The following TOX3 variants were observed in gnomAD, a reference collection of about 807,000 sequenced individuals.
The protein encoded by TOX3 is TOX high mobility group box family member 3, also known as CAG trinucleotide repeat-containing gene F9 protein.
In TOX3, 22 loss-of-function variants were observed where a neutral mutation model predicts 64.3. The observed-to-expected ratio is 0.34, with a 90% CI of 0.24 to 0.49. The LOEUF is 0.49. TOX3 is among the 20% of genes least tolerant of loss of function. The pLI is 0.99. For missense variants in TOX3, 661 were observed against 714.4 expected (o/e 0.93, Z 0.85); for synonymous variants, 291 against 273.6 (o/e 1.06, Z -0.63).
chr16:52,478,653 C>T (rs1281592147), intron 1 of TOX3, among the ~76,000 whole-genome samples: 2 of 152,146 alleles, frequency 1.3e-5, no homozygotes, highest in Non-Finnish European at 2.9e-5. Flanking sequence ...CTGTTGAATG[C>T]ATAAGTGAAT....
At chr16:52,524,452 C>G (rs1962679144) in intron 1 of TOX3, among the ~76,000 whole-genome samples, 1 of 152,154 alleles carries the variant, frequency 6.6e-6, no homozygotes, top group Non-Finnish European at 1.5e-5. Flanking sequence ...ATGTATGGAG[C>G]AGTAAATGCA....
chr16:52,508,957 A>T (rs879622594), intron 1 of TOX3, among the ~76,000 whole-genome samples: 43 of 152,230 alleles, frequency 2.8e-4, no homozygotes, highest in Admixed American at 9.2e-4. Context: ...GATGATTGTT[A>T]TTCATAAAGT....
At chr16:52,499,555 C>A (rs961807255) in intron 1 of TOX3, among the ~76,000 whole-genome samples, 3 of 152,168 alleles carry the variant, frequency 2.0e-5, no homozygotes, top group Admixed American at 1.3e-4. Flanking sequence ...TACGAATCCA[C>A]AAGAAACAAA....
At chr16:52,495,404 C>T (rs1961818476) in intron 1 of TOX3, among the ~76,000 whole-genome samples, 1 of 152,146 alleles carries the variant, frequency 6.6e-6, no homozygotes, top group Non-Finnish European at 1.5e-5. Context: ...ACTAAAGCTA[C>T]CACTCTGGAC....
chr16:52,516,692 T>G (rs1301739237), intron 1 of TOX3, among the ~76,000 whole-genome samples: 2 of 152,194 alleles, frequency 1.3e-5, no homozygotes, highest in African/African-American at 2.4e-5. Flanking sequence ...TTAACTTAGT[T>G]GATATAAATG....
intron 1 of TOX3, among the ~76,000 whole-genome samples, chr16:52,481,866 A>C (rs2151449529): frequency 6.6e-6 from 1 of 152,286 alleles, no homozygotes; most frequent in African/African-American, 2.4e-5. Flanking sequence ...GTATTTTACC[A>C]GTTGTGTTTA....
At chr16:52,478,520 A>G (rs1486068710) in intron 1 of TOX3, among the ~76,000 whole-genome samples, 1 of 152,166 alleles carries the variant, frequency 6.6e-6, no homozygotes, top group Non-Finnish European at 1.5e-5. Context: ...TCACTGACTA[A>G]TGTACTGGAT....
chr16:52,516,206 A>T (rs1019000365), intron 1 of TOX3, among the ~76,000 whole-genome samples: 2 of 152,222 alleles, frequency 1.3e-5, no homozygotes, highest in African/African-American at 4.8e-5. Context: ...TTAAGACATT[A>T]GATTTTAAAA....
rs11287146 is a variant in TOX3, at chr16:52,496,913, T to TA, written c.88-28340dup. ...ATTTATACCTATGTTATTTATTTGTTAAAAAAAAAAAGCAAGTGTTTAAAA... is the reference window on the plus strand; with the variant it reads ...ATTTATACCTATGTTATTTATTTGTTAAAAAAAAAAAAGCAAGTGTTTAAAA... On this transcript the variant is annotated intron_variant, in intron 1 of 6. Coordinates refer to ENST00000219746, the MANE Select transcript of TOX3 (RefSeq NM_001080430.4). Among the ~76,000 whole-genome samples the TA allele has an allele frequency of 1.9e-3, 290 of 148,814 alleles. 1 individual carries two copies. Among genetic ancestry groups the TA allele is most frequent in the Middle Eastern group, 3.4e-3 (1 of 292 alleles).
At chr16:52,527,853 C>T (rs1020262649) in intron 1 of TOX3, among the ~76,000 whole-genome samples, 1 of 152,134 alleles carries the variant, frequency 6.6e-6, no homozygotes, top group Non-Finnish European at 1.5e-5. Context: ...TCTTCTAGCT[C>T]AGTGGCTCTG....
At chr16:52,466,996 T>G in intron 2 of TOX3, among the ~76,000 whole-genome samples, 1 of 152,186 alleles carries the variant, frequency 6.6e-6, no homozygotes, top group East Asian at 1.9e-4. Flanking sequence ...CATTTAGAGT[T>G]TACGTGATTA....
chr16:52,488,694 T>C (rs1961594432), intron 1 of TOX3, among the ~76,000 whole-genome samples: 1 of 152,162 alleles, frequency 6.6e-6, no homozygotes, highest in Non-Finnish European at 1.5e-5. Flanking sequence ...ACCAAAAAAA[T>C]TGTCCTCAAA....
chr16:52,507,917 G>T (rs1056120068), intron 1 of TOX3, among the ~76,000 whole-genome samples: 7 of 152,116 alleles, frequency 4.6e-5, no homozygotes, highest in African/African-American at 1.4e-4. Flanking sequence ...AAGGAGTGAA[G>T]GTAAATCAGA....
At chr16:52,478,036 G>A (rs1002785845) in intron 1 of TOX3, among the ~76,000 whole-genome samples, 5 of 152,140 alleles carry the variant, frequency 3.3e-5, no homozygotes, top group Admixed American at 2.0e-4. Context: ...CTAATGGCCA[G>A]GTGACATTTC....
In TOX3 at chr16:52,439,868, G is replaced by A; in HGVS notation, c.1088C>T (p.Ser363Phe). 6.2e-7 allele frequency: 1 copy of A among 1,613,848 alleles called. No homozygotes were observed. The highest frequency in any genetic ancestry group is 8.5e-7 in the Non-Finnish European group (1 of 1,179,824). Residue 363 changes from serine to phenylalanine, a missense_variant, in exon 7 of 7, where the codon TCT becomes TTT. Transcript: ENST00000219746. Reference protein sequence around the residue: ...TSSLLLNTPLSQHGTVSASPQ... With the variant: ...TSSLLLNTPLFQHGTVSASPQ... Reference sequence around the variant, plus strand: ...TGATGCTGACACTGTTCCATGTTGAGACAGTGGAGTGTTGAGAAGGAGAGA... The same window carrying A: ...TGATGCTGACACTGTTCCATGTTGAAACAGTGGAGTGTTGAGAAGGAGAGA...
intron 1 of TOX3, among the ~76,000 whole-genome samples, chr16:52,503,450 A>G (rs1962061054): frequency 6.6e-6 from 1 of 152,234 alleles, no homozygotes. Flanking sequence ...AGCAATTGCT[A>G]TCAACTTTCT....
chr16:52,531,201 T>A (rs1224367792), intron 1 of TOX3, among the ~76,000 whole-genome samples: 1 of 151,602 alleles, frequency 6.6e-6, no homozygotes, highest in East Asian at 1.9e-4. Context: ...AAACAATGGG[T>A]TTTGAGTCAC....
intron 4 of TOX3, among the ~76,000 whole-genome samples, chr16:52,447,756 A>T (rs1596775771): frequency 1.3e-5 from 2 of 152,228 alleles, no homozygotes; most frequent in South Asian, 4.1e-4. Flanking sequence ...AGAGAGTCAG[A>T]TGCCTTTCAG....
At chr16:52,499,978 A>G (rs943667057) in intron 1 of TOX3, among the ~76,000 whole-genome samples, 1 of 152,228 alleles carries the variant, frequency 6.6e-6, no homozygotes, top group Non-Finnish European at 1.5e-5. Context: ...CTACAAAGTG[A>G]CAACTACAAA....
Sources: allele counts gnomAD v4.1 joint callset (sites outside exome capture counted in the v4.1 genomes callset), GRCh38; gene constraint gnomAD v4.1.1; transcripts MANE v1.5; gene names NCBI Gene and HGNC (gene_info 2026-07-23, HGNC 2026-07-21).